The following SPTB variants were observed in gnomAD, a reference collection of about 807,000 sequenced individuals.
SPTB encodes spectrin beta, erythrocytic.
Under a neutral mutation model 256.2 loss-of-function variants are expected in SPTB, and 45 were observed. The observed-to-expected ratio is 0.18, with a 90% CI of 0.14 to 0.23. The LOEUF is 0.23. Ranked by LOEUF, SPTB falls within the 10% of genes least tolerant of loss-of-function variation. The pLI, the probability that SPTB is intolerant of heterozygous loss-of-function variation, is 1.00. For synonymous variants in SPTB, 1,231 were observed against 1,243.1 expected, an observed-to-expected ratio of 0.99 and a Z score of 0.21; for missense variants, 2,715 against 3,040.4, an observed-to-expected ratio of 0.89 and a Z score of 2.52.
intron 29 of SPTB, 63 bp downstream of exon 29, chr14:64,768,971 C>T: frequency 7.5e-7 from 1 of 1,326,938 alleles, no homozygotes; most frequent in Non-Finnish European, 1.1e-6. Context: ...TGGCACCTCC[C>T]CATTCCCCTA....
intron 1 of SPTB, among the ~76,000 whole-genome samples, chr14:64,836,334 T>G (rs2083521433): frequency 6.6e-6 from 1 of 152,152 alleles, no homozygotes; most frequent in African/African-American, 2.4e-5. Context: ...GTGCCCTAAT[T>G]AATACACTCG....
chr14:64,781,453 T>C (rs229640), intron 20 of SPTB, among the ~76,000 whole-genome samples: 51,672 of 151,896 alleles, frequency 0.34, 11,093 homozygotes, highest in African/African-American at 0.61. Flanking sequence ...CAGGCAACAA[T>C]ATATGAAAAA....
Position 64,774,478 on chromosome 14 carries a change from C to A in SPTB, c.4892G>T (p.Arg1631Leu), listed in dbSNP as rs201082918. Residue 1631 changes from arginine (R) to leucine (L), a missense_variant, in exon 24 of 36, where the codon CGT becomes CTT. This residue lies in a region of SPTB where 2,239 missense variants were observed against 2,384.4 expected (regional missense o/e 0.94). Transcript: ENST00000644917. Reference protein sequence around the residue: ...VMLKRHLRQQRAVEDYGRNIK... With the variant: ...VMLKRHLRQQLAVEDYGRNIK... Reference sequence around the variant, plus strand: ...GTTCCGGCCGTAGTCCTCCACCGCACGCTGCTGCCGCAAATGTCGCTTCAG... The same window carrying A: ...GTTCCGGCCGTAGTCCTCCACCGCAAGCTGCTGCCGCAAATGTCGCTTCAG... 3 of 1,556,216 alleles carry A rather than the reference C, an allele frequency of 1.9e-6. No homozygotes were observed. The highest frequency in any genetic ancestry group is 1.9e-5 in the Admixed American group (1 of 51,754).
intron 32 of SPTB, 53 bp downstream of exon 32, chr14:64,766,673 G>A: frequency 6.2e-7 from 1 of 1,613,426 alleles, no homozygotes; most frequent in Non-Finnish European, 8.5e-7. Context: ...GGGGTGAGAG[G>A]GCTCTGGCTG....
At chr14:64,876,253 T>C (rs983011452) in intron 1 of SPTB, among the ~76,000 whole-genome samples, 1 of 152,192 alleles carries the variant, frequency 6.6e-6, no homozygotes, top group Non-Finnish European at 1.5e-5. Context: ...GCAATTTTCC[T>C]GTCTCAGCCT....
chr14:64,791,250 G>A (rs2082664238), intron 15 of SPTB, among the ~76,000 whole-genome samples: 1 of 152,104 alleles, frequency 6.6e-6, no homozygotes, highest in African/African-American at 2.4e-5. Flanking sequence ...AGTACTACTG[G>A]GAAGGGGACT....
Position 64,753,735 on chromosome 14 carries a change from TGCTGACCCGGCGGTGGTG to T in SPTB, c.6386_6403del (p.Pro2129_Gln2134del), listed in dbSNP as rs776417574. On this transcript the variant is annotated inframe_deletion, in exon 33 of 36. Coordinates refer to ENST00000644917, the MANE Select transcript of SPTB (RefSeq NM_001355436.2). Reference sequence around the variant, plus strand: ...CCCAGTGGATTTCTGCCCATCCTTGTGCTGACCCGGCGGTGGTGGCTGCTGCAGGTTCTGAGGCCACGT... The same window carrying T: ...CCCAGTGGATTTCTGCCCATCCTTGTGCTGCTGCAGGTTCTGAGGCCACGT... 4.3e-6 allele frequency: 7 copies of T among 1,613,716 alleles called. No individual in the cohort carries two copies. Among genetic ancestry groups the T allele is most frequent in the African/African-American group, 1.3e-5 (1 of 74,908 alleles).
chr14:64,801,319 G>A lies in SPTB; in HGVS notation c.729C>T (p.Arg243=). The A allele has an allele frequency of 1.2e-6, 2 of 1,614,150 alleles. No homozygotes were observed. Among genetic ancestry groups the A allele is most frequent in the Non-Finnish European group, 1.7e-6 (2 of 1,179,988 alleles). ...CGAGGAGCGGGATGATGCCCAGCTG[G>A]CGCTCAGCCACATTGAATGCGTGCT... The part of the protein sequence containing the change: ...NLEHAFNVAE[R]QLGIIPLLDP... Residue 243 remains arginine, a synonymous_variant, in exon 7 of 36, where the codon CGC becomes CGT. Coordinates refer to ENST00000644917, the MANE Select transcript of SPTB (RefSeq NM_001355436.2).
intron 2 of SPTB, among the ~76,000 whole-genome samples, chr14:64,819,020 C>T (rs187650789): frequency 9.7e-4 from 147 of 152,266 alleles, no homozygotes; most frequent in Middle Eastern, 6.8e-3. Context: ...GATGTTAAAA[C>T]GCTAAAATCT....
intron 1 of SPTB, among the ~76,000 whole-genome samples, chr14:64,846,470 G>A (rs575847207): frequency 6.6e-6 from 1 of 152,264 alleles, no homozygotes; most frequent in Non-Finnish European, 1.5e-5. Flanking sequence ...CTAGGTGCCT[G>A]AAAGGGCAGC....
intron 1 of SPTB, among the ~76,000 whole-genome samples, chr14:64,879,014 G>A (rs1882972451): frequency 6.6e-6 from 1 of 152,176 alleles, no homozygotes; most frequent in Non-Finnish European, 1.5e-5. Flanking sequence ...GGGAGTTGGG[G>A]ATTGTTTTAC....
At position 64,782,341 on chromosome 14, in the gene SPTB, G is replaced by A. The variant is rs368042621; in HGVS notation, c.4215C>T (p.Asp1405=). The A allele has an allele frequency of 2.0e-5, 32 of 1,614,052 alleles. No individual in the cohort carries two copies. The highest frequency in any genetic ancestry group is 3.3e-5 in the South Asian group (3 of 91,084). ...ISAMEDQLRS[D]DPGKDLTSVN... Reference sequence around the variant, plus strand: ...CACTGGTCAGGTCCTTGCCCGGGTCGTCTGACCGCAGCTGGTCCTCCATGG... The same window carrying A: ...CACTGGTCAGGTCCTTGCCCGGGTCATCTGACCGCAGCTGGTCCTCCATGG... The change falls in exon 20 of 36, where the codon GAC becomes GAT. Residue 1405 remains aspartate, a synonymous_variant. Coordinates refer to ENST00000644917, the MANE Select transcript of SPTB (RefSeq NM_001355436.2).
chr14:64,863,912 C>A (rs1882002034), intron 1 of SPTB, among the ~76,000 whole-genome samples: 1 of 152,180 alleles, frequency 6.6e-6, no homozygotes, highest in Non-Finnish European at 1.5e-5. Flanking sequence ...ATGGCAATTA[C>A]AATATCACAC....
Position 64,767,380 on chromosome 14 carries a change from G to C in SPTB, c.6220-28C>G, listed in dbSNP as rs758172469. The C allele has an allele frequency of 2.0e-5, 33 of 1,613,538 alleles. No homozygotes were observed. The East Asian group carries it at 7.1e-4, about 35-fold the overall frequency. On this transcript the variant is annotated intron_variant, in intron 30 of 35. Transcript: ENST00000644917. ...AGAGGAGGAGAAGGCCCAGGGGTCA[G>C]AGCAGCCACAGAGGCGAGTTGTGTT...
At chr14:64,834,030 TTTTG>T (rs2139733823) in intron 1 of SPTB, among the ~76,000 whole-genome samples, 1 of 152,226 alleles carries the variant, frequency 6.6e-6, no homozygotes, top group East Asian at 1.9e-4. Flanking sequence ...GTTTTTTGTT[TTTTG>T]TTTCTTTTTT....
chr14:64,801,429 G>A (rs745819192), intron 6 of SPTB, 29 bp from the exon 7 acceptor site: 4 of 1,545,918 alleles, frequency 2.6e-6, no homozygotes, highest in African/African-American at 1.4e-5. Flanking sequence ...TGTGAAAAGG[G>A]AGTAGCCACA....
At chr14:64,750,925 A>G (rs1288676765) in intron 33 of SPTB, among the ~76,000 whole-genome samples, 2 of 140,434 alleles carry the variant, frequency 1.4e-5, no homozygotes, top group Non-Finnish European at 3.0e-5. Context: ...TATGTATATT[A>G]CATTATATAT....
rs1790376025 is a variant in SPTB, at chr14:64,790,219, T to A, written c.2804+1500A>T. On this transcript the variant is annotated intron_variant, in intron 15 of 35. Coordinates refer to ENST00000644917, the MANE Select transcript of SPTB (RefSeq NM_001355436.2). This position sits in a 1 kb window ranked among gnomAD's most constrained non-coding sequence, Gnocchi z 4.8. The stretch of plus-strand genomic sequence containing the variant: ...CTCAAATTTAATTTCATGCCTCGGG[T>A]TTTTTTCTCACTTAAGGATGGCAGG... Among the ~76,000 whole-genome samples the A allele has an allele frequency of 6.6e-6, 1 of 152,078 alleles. No homozygotes were observed. Among genetic ancestry groups the A allele is most frequent in the Non-Finnish European group, 1.5e-5 (1 of 67,998 alleles).
intron 27 of SPTB, 136 bp downstream of exon 27, chr14:64,770,749 G>T: frequency 7.2e-7 from 1 of 1,391,844 alleles, no homozygotes; most frequent in South Asian, 1.2e-5. Context: ...CAGGCCTCAA[G>T]TGTCCCCCAG....
Sources: gnomAD v4.1 joint callset for allele counts (sites outside exome capture counted in the v4.1 genomes callset) on GRCh38, gnomAD v4.1.1 for gene constraint, gnomAD v4.1.1 regional missense constraint, Gnocchi (gnomAD v3.1) non-coding constraint, MANE v1.5 for transcripts, NCBI Gene and HGNC (gene_info 2026-07-23, HGNC 2026-07-21) for gene names.